The following SAXO1 variants were observed in gnomAD, a reference collection of about 807,000 sequenced individuals.
SAXO1 encodes 4930500O09Rik.
SAXO1 carries 21 observed loss-of-function variants against 17.5 expected under a neutral mutation model. That is an observed-to-expected ratio of 1.20 (90% CI 0.85 to 1.72). The LOEUF is 1.72. Among genes scored for constraint, SAXO1 ranks in the 40% most tolerant of loss-of-function variants. The pLI is 0.00. For missense variants in SAXO1, 843 were observed against 596.0 expected, an observed-to-expected ratio of 1.41 and a Z score of -4.32; for synonymous variants, 274 against 216.5, an observed-to-expected ratio of 1.27 and a Z score of -2.33.
chr9:18,999,022 T>G (rs1253712748), intron 1 of SAXO1, among the ~76,000 whole-genome samples: 1 of 152,226 alleles, frequency 6.6e-6, no homozygotes, highest in Non-Finnish European at 1.5e-5. Context: ...TAAAGACCAC[T>G]GATGCTATGA....
At chr9:19,027,554 A>G (rs1343475528) in intron 1 of SAXO1, 4 of 1,204,178 alleles carry the variant, frequency 3.3e-6, no homozygotes, top group South Asian at 1.2e-5. Context: ...CTGGGCCTGT[A>G]GGGCACAGAC....
chr9:18,976,884 G>C (rs1279964440), intron 1 of SAXO1, among the ~76,000 whole-genome samples: 1 of 152,242 alleles, frequency 6.6e-6, no homozygotes, highest in Non-Finnish European at 1.5e-5. Context: ...CCAAGTGAAA[G>C]TCCTCAAGTT....
chr9:18,931,390 TTTTG>T (rs888752506), intron 3 of SAXO1, among the ~76,000 whole-genome samples: 21 of 152,314 alleles, frequency 1.4e-4, no homozygotes, highest in African/African-American at 4.6e-4. Context: ...TGATACCAAA[TTTTG>T]TTTATCATTC....
At chr9:19,018,936 C>A (rs1835110193) in intron 1 of SAXO1, among the ~76,000 whole-genome samples, 1 of 151,800 alleles carries the variant, frequency 6.6e-6, no homozygotes, top group Non-Finnish European at 1.5e-5. Flanking sequence ...ATGGAGAAAC[C>A]CTGTCTCTAC....
chr9:18,975,067 A>G (rs969385231), intron 1 of SAXO1, among the ~76,000 whole-genome samples: 2 of 152,158 alleles, frequency 1.3e-5, no homozygotes, highest in African/African-American at 4.8e-5. Context: ...GAGGCTTCAA[A>G]GGCGGTAATA....
chr9:19,012,871 C>G (rs1834808916), intron 1 of SAXO1, among the ~76,000 whole-genome samples: 1 of 152,180 alleles, frequency 6.6e-6, no homozygotes, highest in Admixed American at 6.5e-5. Flanking sequence ...CGCTGCGGAG[C>G]TCAGGGGGCT....
At chr9:19,040,403 G>A (rs1015603844) in intron 1 of SAXO1, among the ~76,000 whole-genome samples, 17 of 152,248 alleles carry the variant, frequency 1.1e-4, no homozygotes, top group Middle Eastern at 3.4e-3. Context: ...GTGTCTCTGG[G>A]AGGCTGAGGC....
At chr9:19,007,778 T>C (rs114290277) in intron 1 of SAXO1, among the ~76,000 whole-genome samples, 1,552 of 152,326 alleles carry the variant, frequency 0.01, 29 homozygotes, top group African/African-American at 0.035. Context: ...GTTGAAAAAT[T>C]AACAGGGATA....
intron 3 of SAXO1, among the ~76,000 whole-genome samples, chr9:18,934,702 T>C (rs1304885415): frequency 6.6e-6 from 1 of 152,212 alleles, no homozygotes; most frequent in Non-Finnish European, 1.5e-5. Context: ...TCCCCCACCA[T>C]GCATGGGTCA....
Position 18,928,729 on chromosome 9 carries a change from C to G in SAXO1, c.748G>C (p.Glu250Gln), listed in dbSNP as rs1354203320. The G allele has an allele frequency of 6.2e-7, 1 of 1,613,908 alleles. No individual in the cohort carries two copies. The highest frequency in any genetic ancestry group is 8.5e-7 in the Non-Finnish European group (1 of 1,180,004). Residue 250 changes from glutamate (E) to glutamine (Q), a missense_variant, in exon 4 of 4, where the codon GAG (glutamate) becomes CAG (glutamine). Transcript: ENST00000380534. The part of the protein sequence containing the change: ...QKQSYRGLMG[E>Q]PAKSLKPLAR... ...AGAGGTTTCAAGCTCTTGGCAGGCT[C>G]CCCCATCAGGCCCCGGTAGGATTGT...
chr9:19,007,670 C>T (rs1446096050), intron 1 of SAXO1, among the ~76,000 whole-genome samples: 1 of 152,184 alleles, frequency 6.6e-6, no homozygotes, highest in Non-Finnish European at 1.5e-5. Flanking sequence ...CAAACTATGG[C>T]CTTAGAGCCA....
intron 1 of SAXO1, among the ~76,000 whole-genome samples, chr9:18,973,890 T>G (rs931853708): frequency 6.6e-6 from 1 of 152,240 alleles, no homozygotes; most frequent in Non-Finnish European, 1.5e-5. Context: ...CATATGACAC[T>G]CTCAAAGCTC....
chr9:18,990,045 G>C (rs971234316), intron 1 of SAXO1, among the ~76,000 whole-genome samples: 3 of 152,168 alleles, frequency 2.0e-5, no homozygotes, highest in African/African-American at 7.2e-5. Context: ...AAAGGAGAGA[G>C]AACAGATGTT....
intron 3 of SAXO1, among the ~76,000 whole-genome samples, chr9:18,941,009 G>C (rs984113532): frequency 2.6e-5 from 4 of 151,996 alleles, no homozygotes; most frequent in African/African-American, 9.7e-5. Context: ...TCTTGATCTG[G>C]GTACTGTTTA....
Position 18,928,548 on chromosome 9 carries a change from T to A in SAXO1, c.929A>T (p.His310Leu), listed in dbSNP as rs879575176. 3 of 1,613,920 alleles carry A rather than the reference T, an allele frequency of 1.9e-6. No individual in the cohort carries two copies. The highest frequency in any genetic ancestry group is 2.5e-6 in the Non-Finnish European group (3 of 1,179,960). ...TGGGGCACCCTTAGGGCATGTGTAA[T>A]GGGCCTGCACTGTTGTCAGAAGATC... is the stretch of plus-strand genomic sequence containing the variant. ...RMDLLTTVQA[H>L]YTCPKGAPAQ... The change falls in exon 4 of 4, where the codon CAT becomes CTT. Residue 310 changes from histidine (H) to leucine (L), a missense_variant. Coordinates refer to ENST00000380534, the MANE Select transcript of SAXO1 (RefSeq NM_153707.4).
chr9:18,975,965 T>C (rs190597271), intron 1 of SAXO1, among the ~76,000 whole-genome samples: 5 of 152,308 alleles, frequency 3.3e-5, no homozygotes, highest in East Asian at 1.9e-4. Flanking sequence ...AGCAGTACTT[T>C]AGCACCTCGG....
In SAXO1 at chr9:19,015,996, C is replaced by G. The variant is rs186135381; in HGVS notation, c.38+16875G>C. On this transcript the variant is annotated intron_variant, in intron 1 of 3. Transcript: ENST00000380534. ...CCTTCAAACAGCTCTCCAGTTGATT[C>G]TCAGGTACACTGAAGGCTGAGAATA... Among the ~76,000 whole-genome samples the G allele has an allele frequency of 1.5e-3, 222 of 152,282 alleles. 3 individuals carry two copies. The highest frequency in any genetic ancestry group is 2.4e-4 in the Non-Finnish European group (16 of 68,022).
intron 1 of SAXO1, among the ~76,000 whole-genome samples, chr9:18,982,436 G>T (rs1244156330): frequency 6.6e-6 from 1 of 152,192 alleles, no homozygotes; most frequent in Non-Finnish European, 1.5e-5. Flanking sequence ...CAGGCAACCA[G>T]TCTCCTAGGA....
intron 1 of SAXO1, among the ~76,000 whole-genome samples, chr9:19,010,242 C>G (rs1834672819): frequency 6.6e-6 from 1 of 152,188 alleles, no homozygotes; most frequent in Non-Finnish European, 1.5e-5. Flanking sequence ...CCAGGACGTT[C>G]TAAAACTCCT....
Sources: gnomAD v4.1 joint callset for allele counts (sites outside exome capture counted in the v4.1 genomes callset) on GRCh38, gnomAD v4.1.1 for gene constraint, MANE v1.5 for transcripts, NCBI Gene and HGNC (gene_info 2026-07-23, HGNC 2026-07-21) for gene names.